Variants in DMD observed in about 807,000 individuals in gnomAD.
The protein encoded by DMD is dystrophin, also known as mutant dystrophin.
Under a neutral mutation model 330.1 loss-of-function variants are expected in DMD, and 63 were observed. The observed-to-expected ratio is 0.19, with a 90% CI of 0.16 to 0.24. DMD has a LOEUF of 0.24. DMD is among the 10% of genes least tolerant of loss of function. The pLI is 1.00. For synonymous variants in DMD, 1,223 were observed against 959.8 expected, an observed-to-expected ratio of 1.27 and a Z score of -5.07; for missense variants, 3,344 against 2,684.1, an observed-to-expected ratio of 1.25 and a Z score of -5.43.
chrX:31,177,858 A>G (rs2040694319), intron 71 of DMD, 74 bp downstream of exon 71: 1 of 910,056 alleles, frequency 1.1e-6, no homozygotes, highest in Admixed American at 2.3e-5. Context: ...ACAAACAAAT[A>G]AACAGAACAA....
intron 30 of DMD, among the ~76,000 whole-genome samples, chrX:32,407,575 G>C (rs1036704532): frequency 9.0e-6 from 1 of 110,803 alleles, no homozygotes; most frequent in Non-Finnish European, 1.9e-5. Flanking sequence ...CGATTCCTCA[G>C]GGATCTAGAA....
intron 33 of DMD, among the ~76,000 whole-genome samples, chrX:32,385,733 A>G (rs1335161575): frequency 9.0e-6 from 1 of 110,542 alleles, no homozygotes; most frequent in Non-Finnish European, 1.9e-5. Context: ...ATGATACAAA[A>G]ATAATTACAG....
intron 30 of DMD, among the ~76,000 whole-genome samples, chrX:32,392,260 T>A (rs886676493): frequency 1.5e-4 from 17 of 110,747 alleles, no homozygotes; most frequent in Non-Finnish European, 2.3e-4. Context: ...ATTTATTTAG[T>A]TAGTTATTTA....
chrX:32,569,581 G>A lies in DMD; in HGVS notation c.1813-3700C>T, dbSNP rs944257347. ...AAATTTCCTTGATACTGATGCTGCC[G>A]GTCGGGGGAACACATTTTGAGAAGC... On this transcript the variant is annotated intron_variant, in intron 15 of 78. Transcript: ENST00000357033. Among the ~76,000 whole-genome samples the A allele has an allele frequency of 2.1e-4, 23 of 111,343 alleles. 1 individual carries two copies. Among genetic ancestry groups the A allele is most frequent in the Admixed American group, 1.9e-3 (20 of 10,462 alleles).
intron 51 of DMD, among the ~76,000 whole-genome samples, chrX:31,738,783 T>C (rs1428049625): frequency 8.9e-6 from 1 of 112,025 alleles, no homozygotes; most frequent in Non-Finnish European, 1.9e-5. Context: ...AACAACATTG[T>C]TGGAAATGGA....
chrX:31,608,338 C>T (rs758833529), intron 55 of DMD, among the ~76,000 whole-genome samples: 6 of 111,380 alleles, frequency 5.4e-5, no homozygotes, highest in Non-Finnish European at 1.1e-4. Context: ...TTGGCGGTAA[C>T]ACATGTTACT....
At chrX:32,153,844 T>C (rs1181122984) in intron 44 of DMD, among the ~76,000 whole-genome samples, 1 of 112,310 alleles carries the variant, frequency 8.9e-6, no homozygotes, top group African/African-American at 3.2e-5. Flanking sequence ...CCACTCCATC[T>C]TCCTGAAAGC....
intron 29 of DMD, chrX:32,412,273 G>T (rs951755205): frequency 1.0e-6 from 1 of 958,853 alleles, no homozygotes; most frequent in Non-Finnish European, 1.4e-6. Context: ...AAGAGATTTG[G>T]TTTGCTTAGA....
intron 43 of DMD, among the ~76,000 whole-genome samples, chrX:32,269,031 T>C (rs1287944612): frequency 9.1e-6 from 1 of 109,437 alleles, no homozygotes; most frequent in African/African-American, 3.3e-5. Context: ...AGTCTCCCAA[T>C]AGATAAAAAC....
intron 1 of DMD, chrX:33,159,406 G>A (rs1489366831): frequency 9.0e-6 from 1 of 110,782 alleles, no homozygotes; most frequent in African/African-American, 3.3e-5. Context: ...ATCTACATTA[G>A]GTATTTCTCC....
At chrX:33,117,130 T>C (rs2095391364) in intron 1 of DMD, among the ~76,000 whole-genome samples, 1 of 110,871 alleles carries the variant, frequency 9.0e-6, no homozygotes, top group Admixed American at 9.7e-5. Flanking sequence ...CAATTAAACT[T>C]GTTTTTCAAA....
At chrX:31,553,476 C>A (rs2074616756) in intron 55 of DMD, among the ~76,000 whole-genome samples, 1 of 112,061 alleles carries the variant, frequency 8.9e-6, no homozygotes, top group Non-Finnish European at 1.9e-5. Flanking sequence ...ACCACAATTA[C>A]TTTTGCACCA....
At chrX:33,075,130 G>A (rs1291310482) in intron 1 of DMD, among the ~76,000 whole-genome samples, 6 of 111,638 alleles carry the variant, frequency 5.4e-5, no homozygotes, top group Non-Finnish European at 9.4e-5. Flanking sequence ...TAGAACTTAA[G>A]ATTGGCCTTT....
At chrX:31,163,829 T>C (rs964227082) in intron 74 of DMD, among the ~76,000 whole-genome samples, 4 of 111,716 alleles carry the variant, frequency 3.6e-5, no homozygotes, top group African/African-American at 9.8e-5. Flanking sequence ...CATGTGAAAA[T>C]TAGAGATTTT....
chrX:32,404,864 G>A (rs192491017), intron 30 of DMD, among the ~76,000 whole-genome samples: 1 of 111,479 alleles, frequency 9.0e-6, no homozygotes, highest in Non-Finnish European at 1.9e-5. Context: ...GCAGAGTTCA[G>A]CCTCAAACAT....
intron 1 of DMD, among the ~76,000 whole-genome samples, chrX:33,023,408 A>T (rs1471981819): frequency 9.0e-6 from 1 of 111,677 alleles, no homozygotes. Flanking sequence ...TTTCCAAGTG[A>T]TCACACCCAC....
chrX:33,315,492 T>A (rs982405397), intron 1 of DMD, among the ~76,000 whole-genome samples: 2 of 112,134 alleles, frequency 1.8e-5, no homozygotes, highest in Non-Finnish European at 3.8e-5. Context: ...TAGGCAACTT[T>A]TCGTTGGCAA....
chrX:32,554,262 C>A (rs781136459), intron 16 of DMD, among the ~76,000 whole-genome samples: 2 of 111,189 alleles, frequency 1.8e-5, no homozygotes, highest in Non-Finnish European at 3.8e-5. Flanking sequence ...TAACCAAGAT[C>A]AGAGCTGAAC....
At chrX:32,641,410 ATAT>A (rs2059445895) in intron 11 of DMD, 2 of 35,481 alleles carry the variant, frequency 5.6e-5, no homozygotes, top group South Asian at 1.4e-3. Context: ...TTTTATACGT[ATAT>A]ATATATATAT....
Sources: allele counts gnomAD v4.1 joint callset (sites outside exome capture counted in the v4.1 genomes callset), GRCh38; gene constraint gnomAD v4.1.1; transcripts MANE v1.5; gene names NCBI Gene and HGNC (gene_info 2026-07-23, HGNC 2026-07-21).